MARCHF1: variants seen among roughly 807,000 people sequenced by gnomAD.
MARCHF1 encodes the protein membrane associated ring-CH-type finger 1, also known as E3 ubiquitin-protein ligase MARCHF1.
MARCHF1 carries 40 observed loss-of-function variants against 54.2 expected under a neutral mutation model. The ratio of observed to expected loss-of-function variants is 0.74; its 90% CI spans 0.57 to 0.96. The LOEUF (loss-of-function observed/expected upper bound fraction) is 0.96. Ranked by LOEUF, MARCHF1 falls within the 40% of genes least tolerant of loss-of-function variation. MARCHF1 has a pLI of 0.00. For synonymous variants in MARCHF1, 236 were observed against 236.3 expected, an observed-to-expected ratio of 1.00 and a Z score of 0.01; for missense variants, 586 against 656.5, an observed-to-expected ratio of 0.89 and a Z score of 1.17.
At chr4:163,855,850 G>A (rs1037542616) in intron 3 of MARCHF1, among the ~76,000 whole-genome samples, 1 of 152,122 alleles carries the variant, frequency 6.6e-6, no homozygotes, top group African/African-American at 2.4e-5. Flanking sequence ...GGTGGCAGTA[G>A]CTTTGTCATT....
At chr4:164,029,783 C>A (rs1753840189) in intron 2 of MARCHF1, among the ~76,000 whole-genome samples, 1 of 151,972 alleles carries the variant, frequency 6.6e-6, no homozygotes, top group Non-Finnish European at 1.5e-5. Flanking sequence ...TAAGTAGAGA[C>A]AGCGTTTCAC....
intron 4 of MARCHF1, among the ~76,000 whole-genome samples, chr4:163,814,456 T>C (rs892003499): frequency 2.6e-5 from 4 of 152,156 alleles, no homozygotes; most frequent in Non-Finnish European, 5.9e-5. Flanking sequence ...TGGTGGCGCA[T>C]GCCCGTAATC....
intron 2 of MARCHF1, among the ~76,000 whole-genome samples, chr4:164,027,362 T>G (rs540108806): frequency 2.8e-4 from 3 of 10,770 alleles, no homozygotes; most frequent in Non-Finnish European, 9.1e-4. Flanking sequence ...ATGGTACAGG[T>G]AAAAAAAAAA....
At chr4:164,128,017 G>A (rs376093222) in intron 1 of MARCHF1, among the ~76,000 whole-genome samples, 7 of 152,094 alleles carry the variant, frequency 4.6e-5, no homozygotes, top group South Asian at 2.1e-4. Context: ...ACATAGAGTA[G>A]AAATTCAAGA....
intron 2 of MARCHF1, among the ~76,000 whole-genome samples, chr4:163,998,079 A>G (rs1418158148): frequency 6.6e-6 from 1 of 151,482 alleles, no homozygotes; most frequent in Non-Finnish European, 1.5e-5. Flanking sequence ...AAATTCAATA[A>G]AAAGGTGAGA....
intron 3 of MARCHF1, among the ~76,000 whole-genome samples, chr4:163,950,270 C>T (rs1752107815): frequency 6.6e-6 from 1 of 152,204 alleles, no homozygotes; most frequent in Non-Finnish European, 1.5e-5. Context: ...CCTTGGACTC[C>T]CTCTTGTGCT....
At chr4:164,277,279 C>A (rs1315157936) in intron 1 of MARCHF1, among the ~76,000 whole-genome samples, 1 of 152,140 alleles carries the variant, frequency 6.6e-6, no homozygotes, top group Non-Finnish European at 1.5e-5. Context: ...CAATATCTGA[C>A]AAACAGTGGG....
chr4:163,652,716 G>T (rs1266411147), intron 5 of MARCHF1, among the ~76,000 whole-genome samples: 1 of 151,706 alleles, frequency 6.6e-6, no homozygotes, highest in Admixed American at 6.6e-5. Context: ...TTCCATAAAA[G>T]TTTAGAGACG....
At chr4:163,534,331 C>T (rs1331625082) in intron 9 of MARCHF1, among the ~76,000 whole-genome samples, 2 of 151,952 alleles carry the variant, frequency 1.3e-5, no homozygotes, top group Admixed American at 6.6e-5. Flanking sequence ...GCCATCTGGC[C>T]CAGAGGAAGA....
chr4:163,811,101 T>G (rs571623374), intron 4 of MARCHF1, among the ~76,000 whole-genome samples: 189 of 152,290 alleles, frequency 1.2e-3, no homozygotes, highest in African/African-American at 4.4e-3. Flanking sequence ...AGATAAGACC[T>G]TGAGCTTTTC....
chr4:164,243,460 C>G (rs1370382380), intron 1 of MARCHF1, among the ~76,000 whole-genome samples: 2 of 152,020 alleles, frequency 1.3e-5, no homozygotes, highest in African/African-American at 4.8e-5. Context: ...GAAGGAAGCA[C>G]TAAACATGGA....
intron 8 of MARCHF1, among the ~76,000 whole-genome samples, chr4:163,567,339 T>G (rs1739677369): frequency 6.6e-6 from 1 of 152,122 alleles, no homozygotes; most frequent in South Asian, 2.1e-4. Context: ...TAGTAATCAT[T>G]CTCTCCCTGA....
At chr4:164,372,706 A>T (rs1434641671) in intron 1 of MARCHF1, among the ~76,000 whole-genome samples, 1 of 152,152 alleles carries the variant, frequency 6.6e-6, no homozygotes, top group Non-Finnish European at 1.5e-5. Flanking sequence ...ACTAATAATT[A>T]TACAATTAAC....
intron 1 of MARCHF1, among the ~76,000 whole-genome samples, chr4:164,234,062 T>C (rs1000995635): frequency 2.6e-5 from 4 of 152,178 alleles, no homozygotes; most frequent in Admixed American, 2.6e-4. Flanking sequence ...GAATTGTCTC[T>C]ATCAATTGAG....
intron 9 of MARCHF1, among the ~76,000 whole-genome samples, chr4:163,537,334 A>G (rs956457382): frequency 9.8e-5 from 15 of 152,342 alleles, no homozygotes; most frequent in Middle Eastern, 3.4e-3. Context: ...AAAAGAATGT[A>G]CACCACAAAA....
intron 1 of MARCHF1, among the ~76,000 whole-genome samples, chr4:164,297,410 G>A (rs2111384311): frequency 6.6e-6 from 1 of 152,204 alleles, no homozygotes; most frequent in East Asian, 1.9e-4. Flanking sequence ...GCTATGAGAA[G>A]GGCAAGTCAG....
chr4:164,028,119 G>C (rs897024632), intron 2 of MARCHF1, among the ~76,000 whole-genome samples: 2 of 152,164 alleles, frequency 1.3e-5, no homozygotes, highest in Non-Finnish European at 2.9e-5. Flanking sequence ...ATGCAGTGTT[G>C]GTGGGAATGT....
At chr4:163,723,374 A>G (rs1027609717) in intron 4 of MARCHF1, among the ~76,000 whole-genome samples, 3 of 152,116 alleles carry the variant, frequency 2.0e-5, no homozygotes, top group Non-Finnish European at 4.4e-5. Context: ...TGGCTTGTAG[A>G]GTTTCTGCTG....
intron 7 of MARCHF1, among the ~76,000 whole-genome samples, chr4:163,593,901 A>G (rs1205960810): frequency 1.3e-5 from 2 of 152,192 alleles, no homozygotes; most frequent in East Asian, 3.8e-4. Flanking sequence ...TTCAGTCAAC[A>G]AGTAATTTGT....
Sources: allele counts gnomAD v4.1 joint callset (sites outside exome capture counted in the v4.1 genomes callset), GRCh38; gene constraint gnomAD v4.1.1; transcripts MANE v1.5; gene names NCBI Gene and HGNC (gene_info 2026-07-23, HGNC 2026-07-21).